The following RPRD1A variants were observed in gnomAD, a reference collection of about 807,000 sequenced individuals.
The protein encoded by RPRD1A is regulation of nuclear pre-mRNA domain containing 1A, also known as regulation of nuclear pre-mRNA domain-containing protein 1A.
Under a neutral mutation model 37.8 loss-of-function variants are expected in RPRD1A, and 9 were observed. The observed-to-expected ratio is 0.24, with a 90% confidence interval of 0.14 to 0.42. RPRD1A has a LOEUF of 0.42. Among genes scored for constraint, RPRD1A ranks in the 10% least tolerant of loss-of-function variants. RPRD1A has a pLI of 1.00. For missense variants in RPRD1A, 255 were observed against 371.0 expected (o/e 0.69, Z 2.57); for synonymous variants, 138 against 139.7 (o/e 0.99, Z 0.08).
intron 6 of RPRD1A, among the ~76,000 whole-genome samples, chr18:35,994,159 G>A (rs1434320125): frequency 1.3e-5 from 2 of 152,156 alleles, no homozygotes; most frequent in African/African-American, 4.8e-5. Context: ...TTGGTCTAAG[G>A]AAGTAGCAGG....
intron 1 of RPRD1A, among the ~76,000 whole-genome samples, chr18:36,034,459 C>T (rs1001972405): frequency 1.3e-5 from 2 of 152,120 alleles, no homozygotes; most frequent in Non-Finnish European, 2.9e-5. Flanking sequence ...AGTCATTTCT[C>T]TAAGGAAATA....
intron 1 of RPRD1A, among the ~76,000 whole-genome samples, chr18:36,057,338 T>C (rs993864838): frequency 6.6e-6 from 1 of 150,978 alleles, no homozygotes; most frequent in Non-Finnish European, 1.5e-5. Flanking sequence ...CCAGGCTCCA[T>C]GGCTCATGCC....
chr18:36,011,399 A>G (rs1910170078), intron 6 of RPRD1A, among the ~76,000 whole-genome samples: 2 of 152,254 alleles, frequency 1.3e-5, no homozygotes, highest in South Asian at 4.1e-4. Flanking sequence ...GTTAATAACC[A>G]CTGTCCTCTT....
At chr18:36,002,079 A>T (rs1909455769) in intron 6 of RPRD1A, among the ~76,000 whole-genome samples, 1 of 139,440 alleles carries the variant, frequency 7.2e-6, no homozygotes, top group African/African-American at 2.8e-5. Context: ...GGCATGCCTA[A>T]GTAGAGATTG....
chr18:36,067,068 A>C (rs1208081221), intron 1 of RPRD1A, among the ~76,000 whole-genome samples, 186 bp downstream of exon 1: 1 of 152,122 alleles, frequency 6.6e-6, no homozygotes, highest in Non-Finnish European at 1.5e-5. Flanking sequence ...TCATTCCTTT[A>C]TTCAATAAAT....
At chr18:36,061,897 G>A (rs539372609) in intron 1 of RPRD1A, among the ~76,000 whole-genome samples, 13 of 152,250 alleles carry the variant, frequency 8.5e-5, no homozygotes, top group African/African-American at 3.1e-4. Context: ...TTAGTCATCT[G>A]GGAAATGCAT....
intron 6 of RPRD1A, among the ~76,000 whole-genome samples, chr18:36,009,802 A>G (rs1022016033): frequency 6.6e-6 from 1 of 152,210 alleles, no homozygotes; most frequent in Non-Finnish European, 1.5e-5. Flanking sequence ...TGCTACTGAG[A>G]AACTGGATTT....
At chr18:36,036,622 TC>T (rs1753180911) in intron 1 of RPRD1A, among the ~76,000 whole-genome samples, 1 of 152,112 alleles carries the variant, frequency 6.6e-6, no homozygotes, top group African/African-American at 2.4e-5. Context: ...CTTATGCCCT[TC>T]CCTAAATTTT....
chr18:36,017,567 T>C (rs4799838), intron 6 of RPRD1A, among the ~76,000 whole-genome samples: 34,945 of 151,972 alleles, frequency 0.23, 4,020 homozygotes, highest in East Asian at 0.25. Context: ...CTCATCTCAC[T>C]TCTAAGAACT....
intron 6 of RPRD1A, among the ~76,000 whole-genome samples, chr18:36,010,397 G>A (rs1910103338): frequency 6.6e-6 from 1 of 152,198 alleles, no homozygotes; most frequent in Non-Finnish European, 1.5e-5. Context: ...GGAAGCTGAG[G>A]TGGGAGGATT....
At chr18:36,060,476 T>C (rs1319418884) in intron 1 of RPRD1A, among the ~76,000 whole-genome samples, 1 of 152,170 alleles carries the variant, frequency 6.6e-6, no homozygotes, top group Non-Finnish European at 1.5e-5. Flanking sequence ...TTCTCCATTT[T>C]TCTAAAACCA....
At chr18:36,001,957 T>C (rs945881154) in intron 6 of RPRD1A, among the ~76,000 whole-genome samples, 2 of 152,210 alleles carry the variant, frequency 1.3e-5, no homozygotes, top group Non-Finnish European at 2.9e-5. Flanking sequence ...CTTGCTTGCA[T>C]GGTTCTGCTG....
intron 1 of RPRD1A, among the ~76,000 whole-genome samples, chr18:36,049,982 T>C (rs1220469516): frequency 6.6e-6 from 1 of 152,206 alleles, no homozygotes; most frequent in African/African-American, 2.4e-5. Context: ...CATTTGTTAT[T>C]TTCTGTTTTT....
At chr18:36,045,265 T>C (rs1026621509) in intron 1 of RPRD1A, among the ~76,000 whole-genome samples, 3 of 151,816 alleles carry the variant, frequency 2.0e-5, no homozygotes, top group Non-Finnish European at 4.4e-5. Context: ...TATTAAAAAA[T>C]AGAGGTCGCA....
intron 1 of RPRD1A, among the ~76,000 whole-genome samples, chr18:36,038,484 T>C (rs1912356196): frequency 1.3e-5 from 2 of 152,184 alleles, no homozygotes; most frequent in African/African-American, 4.8e-5. Flanking sequence ...TCAGAGGATA[T>C]ATGGAAACAC....
intron 1 of RPRD1A, among the ~76,000 whole-genome samples, chr18:36,043,970 A>C (rs1315906633): frequency 6.6e-6 from 1 of 152,242 alleles, no homozygotes; most frequent in East Asian, 1.9e-4. Context: ...TGATAACATA[A>C]ATAACACATA....
chr18:36,023,431 T>G (rs1911145536), intron 6 of RPRD1A, among the ~76,000 whole-genome samples: 1 of 152,174 alleles, frequency 6.6e-6, no homozygotes. Flanking sequence ...TCATAAAACT[T>G]GTTGGTGAGG....
At chr18:36,006,852 A>G (rs1373372567) in intron 6 of RPRD1A, among the ~76,000 whole-genome samples, 1 of 152,168 alleles carries the variant, frequency 6.6e-6, no homozygotes, top group Non-Finnish European at 1.5e-5. Context: ...AGCAGTAGAC[A>G]ACTAGATGCT....
At chr18:36,061,663 A>C (rs1226606432) in intron 1 of RPRD1A, among the ~76,000 whole-genome samples, 3 of 152,222 alleles carry the variant, frequency 2.0e-5, no homozygotes, top group Non-Finnish European at 2.9e-5. Context: ...TTTACAGTTT[A>C]AAACAGTCAC....
Sources: gnomAD v4.1 joint callset for allele counts (sites outside exome capture counted in the v4.1 genomes callset) on GRCh38, gnomAD v4.1.1 for gene constraint, MANE v1.5 for transcripts, NCBI Gene and HGNC (gene_info 2026-07-23, HGNC 2026-07-21) for gene names.